MYO3A: variants seen among roughly 807,000 people sequenced by gnomAD.
MYO3A encodes myosin-IIIa.
A neutral mutation model predicts 192.7 loss-of-function variants in MYO3A; 180 were observed. That is an observed-to-expected ratio of 0.93 (90% CI 0.83 to 1.06). The LOEUF (loss-of-function observed/expected upper bound fraction) is 1.06, where lower values mean the gene tolerates loss of function less well. Among genes scored for constraint, MYO3A ranks in the 50% least tolerant of loss-of-function variants. The probability of loss-of-function intolerance (pLI) is 0.00; values close to 1 mark genes in which losing one functional copy is unlikely to be tolerated. For synonymous variants in MYO3A, 628 were observed against 645.3 expected, an observed-to-expected ratio of 0.97 and a Z score of 0.41; for missense variants, 1,896 against 1,905.0, an observed-to-expected ratio of 1.00 and a Z score of 0.09.
Position 26,017,473 on chromosome 10 carries a change from A to G in MYO3A, c.585+577A>G, listed in dbSNP as rs563149802. On this transcript the variant is annotated intron_variant, in intron 7 of 34. Transcript: ENST00000642920. ...TTTAATCTTTTAAATTATGTTTATCACTTATGAAGGACCCTTATTTTTGAA... is the reference window on the plus strand; with the variant it reads ...TTTAATCTTTTAAATTATGTTTATCGCTTATGAAGGACCCTTATTTTTGAA... 2.9e-4 allele frequency among the ~76,000 whole-genome samples: 44 copies of G among 152,282 alleles called. No individual in the cohort carries two copies. The South Asian group carries it at 8.9e-3, about 31-fold the overall frequency.
At chr10:26,042,139 G>A (rs1488384684) in intron 10 of MYO3A, among the ~76,000 whole-genome samples, 1 of 152,024 alleles carries the variant, frequency 6.6e-6, no homozygotes, top group Non-Finnish European at 1.5e-5. Context: ...CATATGTCAT[G>A]CCACTCTCTA....
intron 6 of MYO3A, among the ~76,000 whole-genome samples, chr10:26,004,264 G>A (rs1841038536): frequency 6.6e-6 from 1 of 152,098 alleles, no homozygotes; most frequent in Admixed American, 6.6e-5. Context: ...ATAGGGATCA[G>A]GGTGGAGAGA....
intron 31 of MYO3A, among the ~76,000 whole-genome samples, chr10:26,189,634 G>A (rs1183223517): frequency 1.3e-5 from 2 of 152,202 alleles, no homozygotes; most frequent in African/African-American, 2.4e-5. Context: ...CATTTGGGGG[G>A]AAATGGGAGA....
chr10:26,036,009 C>T (rs1843014138), intron 10 of MYO3A, among the ~76,000 whole-genome samples: 1 of 152,044 alleles, frequency 6.6e-6, no homozygotes, highest in African/African-American at 2.4e-5. Context: ...TCTTGGCTCA[C>T]TGCAAGTTCT....
rs376507539 is a variant in MYO3A at position 26,165,924 on chromosome 10, T to C, written c.3000-143T>C. On this transcript the variant is annotated intron_variant, in intron 26 of 34. Transcript: ENST00000642920. ...TGGAATTTGGTCTACTCCGAAGTTG[T>C]TCTGAGGATGCCTAAAGGATTTCTC... 77 of 780,502 alleles carry C rather than the reference T, an allele frequency of 9.9e-5. 1 individual carries two copies. The African/African-American group carries it at 1.1e-3, about 11-fold the overall frequency. 48.3% of individuals were successfully genotyped at this position (780,502 alleles called of 1,614,324 possible).
intron 23 of MYO3A, 149 bp downstream of exon 23, chr10:26,147,708 A>G (rs1489826721): frequency 1.7e-6 from 2 of 1,207,518 alleles, no homozygotes; most frequent in South Asian, 1.4e-5. Flanking sequence ...TCTGCCCCAG[A>G]TCATCTGAAG....
At chr10:26,103,190 T>G (rs1837579555) in intron 17 of MYO3A, among the ~76,000 whole-genome samples, 1 of 152,212 alleles carries the variant, frequency 6.6e-6, no homozygotes, top group Non-Finnish European at 1.5e-5. Context: ...CTCCGGGCCA[T>G]GTGTGGGATA....
chr10:25,989,644 C>T (rs764998720), intron 4 of MYO3A, among the ~76,000 whole-genome samples: 2 of 152,066 alleles, frequency 1.3e-5, no homozygotes, highest in Non-Finnish European at 2.9e-5. Flanking sequence ...GTGCCTGGCA[C>T]AAAGTAAGTA....
intron 5 of MYO3A, 88 bp from the exon 6 acceptor site, chr10:25,997,071 C>G (rs1564442986): frequency 1.1e-6 from 1 of 948,590 alleles, no homozygotes; most frequent in Non-Finnish European, 1.7e-6. Context: ...TTATGTGTTT[C>G]CTATTGATTT....
At chr10:26,017,503 C>T (rs916598165) in intron 7 of MYO3A, among the ~76,000 whole-genome samples, 2 of 152,098 alleles carry the variant, frequency 1.3e-5, no homozygotes, top group Admixed American at 6.5e-5. Context: ...TTTGAAGACT[C>T]TCTCTACAAC....
At chr10:26,119,808 T>G (rs1224416228) in intron 17 of MYO3A, among the ~76,000 whole-genome samples, 1 of 152,112 alleles carries the variant, frequency 6.6e-6, no homozygotes, top group Non-Finnish European at 1.5e-5. Context: ...GTACCTTAAT[T>G]AGGAATGTAT....
chr10:26,002,377 G>A (rs1840883416), intron 6 of MYO3A, among the ~76,000 whole-genome samples: 1 of 152,186 alleles, frequency 6.6e-6, no homozygotes, highest in South Asian at 2.1e-4. Context: ...CCTAGAGATG[G>A]AGCAATGGTG....
chr10:26,066,121 C>CAAAAAA (rs1331706742), intron 10 of MYO3A, among the ~76,000 whole-genome samples: 2 of 19,382 alleles, frequency 1.0e-4, no homozygotes, highest in African/African-American at 3.4e-4. Flanking sequence ...AACTCCGTCT[C>CAAAAAA]AAAAAAAAAA....
chr10:26,117,670 T>C (rs2131681240), intron 17 of MYO3A, among the ~76,000 whole-genome samples: 1 of 152,306 alleles, frequency 6.6e-6, no homozygotes, highest in South Asian at 2.1e-4. Context: ...AAGGACATGA[T>C]CTCATTCTTT....
At chr10:26,187,501 A>G (rs541030638) in intron 31 of MYO3A, among the ~76,000 whole-genome samples, 24 of 150,602 alleles carry the variant, frequency 1.6e-4, no homozygotes, top group African/African-American at 5.6e-4. Context: ...TTTTTTTATT[A>G]TTATTATACT....
intron 2 of MYO3A, among the ~76,000 whole-genome samples, chr10:25,942,167 G>A (rs1257588668): frequency 1.3e-5 from 2 of 151,766 alleles, no homozygotes; most frequent in East Asian, 3.9e-4. Context: ...ACACCTGGCT[G>A]ATTTTTATAT....
At chr10:26,059,380 T>A (rs1437494855) in intron 10 of MYO3A, among the ~76,000 whole-genome samples, 1 of 152,116 alleles carries the variant, frequency 6.6e-6, no homozygotes, top group East Asian at 1.9e-4. Context: ...TTACTGGGAG[T>A]TTTTATCATG....
At chr10:26,083,950 G>T (rs1039094058) in intron 14 of MYO3A, among the ~76,000 whole-genome samples, 1 of 152,048 alleles carries the variant, frequency 6.6e-6, no homozygotes, top group African/African-American at 2.4e-5. Flanking sequence ...TTTTCTTCCT[G>T]CAGAATACTG....
chr10:26,030,988 C>T (rs1051767842), intron 10 of MYO3A, among the ~76,000 whole-genome samples: 5 of 152,140 alleles, frequency 3.3e-5, no homozygotes, highest in East Asian at 3.9e-4. Context: ...ATTTTTCACA[C>T]GAGTTAAAAT....
Sources: gnomAD v4.1 joint callset for allele counts (sites outside exome capture counted in the v4.1 genomes callset) on GRCh38, gnomAD v4.1.1 for gene constraint, MANE v1.5 for transcripts, NCBI Gene and HGNC (gene_info 2026-07-23, HGNC 2026-07-21) for gene names.